MTERF3: variants seen among roughly 807,000 people sequenced by gnomAD.
MTERF3 encodes transcription termination factor 3, mitochondrial.
A neutral mutation model predicts 40.5 loss-of-function variants in MTERF3; 40 were observed. The observed-to-expected ratio is 0.99, with a 90% CI of 0.77 to 1.29. MTERF3 has a LOEUF of 1.29. Ranked by LOEUF, MTERF3 falls within the 50% of genes most tolerant of loss-of-function variation. The pLI is 0.00. For synonymous variants in MTERF3, 158 were observed against 166.6 expected (o/e 0.95, Z 0.40); for missense variants, 452 against 478.2 (o/e 0.95, Z 0.51).
At chr8:96,259,913 A>ATTATTTTTT in intron 1 of MTERF3, among the ~76,000 whole-genome samples, 1 of 150,474 alleles carries the variant, frequency 6.6e-6, no homozygotes, top group South Asian at 2.1e-4. Context: ...TATTATTATT[A>ATTATTTTTT]TTTTTTTTGA....
intron 4 of MTERF3, among the ~76,000 whole-genome samples, chr8:96,249,597 T>C (rs1439286539): frequency 6.6e-6 from 1 of 152,196 alleles, no homozygotes; most frequent in African/African-American, 2.4e-5. Context: ...TTTTTTTTCC[T>C]AATTCCGAGA....
intron 3 of MTERF3, among the ~76,000 whole-genome samples, chr8:96,253,356 CA>C (rs1387099496): frequency 1.3e-5 from 2 of 152,110 alleles, no homozygotes; most frequent in African/African-American, 2.4e-5. Flanking sequence ...GAGGCAGGTA[CA>C]GGACCCAAAG....
In MTERF3 at chr8:96,246,416, T is replaced by A; in HGVS notation, c.716A>T (p.Asp239Val). The stretch of plus-strand genomic sequence containing the variant: ...TGCTTTTCTGACCATCTGTGCAACA[T>A]CTGCTTTACTGAAATTTTTTGAATG... The part of the protein sequence containing the change: ...YLHSKNFSKA[D>V]VAQMVRKAPF... The change falls in exon 5 of 8, where the codon GAT becomes GTT. Residue 239 changes from aspartate (D) to valine (V), a missense_variant. Physicochemically the swap from Asp to Val is radical, Grantham distance 152 (BLOSUM62 -3). Transcript: ENST00000287025. 1 of 1,611,934 alleles carries A rather than the reference T, an allele frequency of 6.2e-7. No individual in the cohort carries two copies. The highest frequency in any genetic ancestry group is 8.5e-7 in the Non-Finnish European group (1 of 1,179,408).
chr8:96,252,331 A>G (rs1200367345), intron 3 of MTERF3, among the ~76,000 whole-genome samples: 1 of 152,258 alleles, frequency 6.6e-6, no homozygotes, highest in Non-Finnish European at 1.5e-5. Context: ...ATTTGTTAAA[A>G]TATATGGGAC....
chr8:96,251,895 T>G (rs1006658904), intron 3 of MTERF3, among the ~76,000 whole-genome samples: 2 of 152,198 alleles, frequency 1.3e-5, no homozygotes, highest in South Asian at 2.1e-4. Flanking sequence ...AATGATATGG[T>G]TAGGCTGTGT....
chr8:96,250,476 C>G (rs892094158), intron 4 of MTERF3, among the ~76,000 whole-genome samples: 2 of 148,032 alleles, frequency 1.4e-5, no homozygotes, highest in Non-Finnish European at 3.0e-5. Flanking sequence ...CTTTGGAGGC[C>G]AAGATGGGCA....
At chr8:96,240,902 T>C (rs1218356834) in intron 7 of MTERF3, among the ~76,000 whole-genome samples, 1 of 152,078 alleles carries the variant, frequency 6.6e-6, no homozygotes, top group African/African-American at 2.4e-5. Context: ...CAAAGTACTA[T>C]GAGAAGAGTG....
chr8:96,249,154 G>C (rs1810076099), intron 4 of MTERF3, among the ~76,000 whole-genome samples: 1 of 152,186 alleles, frequency 6.6e-6, no homozygotes, highest in Non-Finnish European at 1.5e-5. Context: ...GTGTGTAGTA[G>C]TCAGAACCCT....
At chr8:96,250,670 A>AGAAGAAGAAGAAGAAGAAGAG in intron 4 of MTERF3, among the ~76,000 whole-genome samples, 1 of 38,714 alleles carries the variant, frequency 2.6e-5, no homozygotes, top group Admixed American at 2.2e-4. Flanking sequence ...AAGAAGAAGA[A>AGAAGAAGAAGAAGAAGAAGAG]GAAGAAGAAG....
chr8:96,251,888 G>C (rs1180088895), intron 3 of MTERF3, among the ~76,000 whole-genome samples: 1 of 152,196 alleles, frequency 6.6e-6, no homozygotes, highest in African/African-American at 2.4e-5. Flanking sequence ...CAGACACAAT[G>C]ATATGGTTAG....
At chr8:96,245,414 T>C (rs765447018) in intron 6 of MTERF3, among the ~76,000 whole-genome samples, 3 of 152,196 alleles carry the variant, frequency 2.0e-5, no homozygotes, top group South Asian at 2.1e-4. Flanking sequence ...AGGAGAACAA[T>C]GTGCTGGCTG....
At position 96,239,427 on chromosome 8, in the gene MTERF3, A is replaced by G; in HGVS notation, c.*64T>C. ...TCAGTTGAGACCCGAGGCATTTAAAAATATATTCATTTATTCATATATATA... is the reference window on the plus strand; with the variant it reads ...TCAGTTGAGACCCGAGGCATTTAAAGATATATTCATTTATTCATATATATA... On this transcript the variant is annotated 3_prime_UTR_variant, in exon 8 of 8. Coordinates refer to ENST00000287025, the MANE Select transcript of MTERF3 (RefSeq NM_015942.5). 7.9e-7 allele frequency: 1 copy of G among 1,265,302 alleles called. No individual in the cohort carries two copies. The highest frequency in any genetic ancestry group is 1.1e-6 in the Non-Finnish European group (1 of 935,468). 78.4% of individuals were successfully genotyped at this position (1,265,302 alleles called of 1,614,324 possible).
At chr8:96,261,178 GA>G (rs1309815784) in intron 1 of MTERF3, among the ~76,000 whole-genome samples, 1 of 152,244 alleles carries the variant, frequency 6.6e-6, no homozygotes, top group African/African-American at 2.4e-5. Context: ...AATCAGGAGA[GA>G]AAGGGAGGTT....
In MTERF3 at chr8:96,256,979, T is replaced by C. The variant is rs764355477; in HGVS notation, c.470A>G (p.Gln157Arg). The change falls in exon 3 of 8, where the codon CAG (glutamine) becomes CGG (arginine). Residue 157 changes from glutamine (Q) to arginine (R), a missense_variant. Gln to Arg is a conservative substitution (Grantham distance 43, BLOSUM62 1). Transcript: ENST00000287025. ...RDYVDHSETL[Q>R]KLVLLGVDLS... Reference sequence around the variant, plus strand: ...AAACTTACCTAGAAGAACCAACTTCTGCAGAGTCTCAGAATGATCCACATA... The same window carrying C: ...AAACTTACCTAGAAGAACCAACTTCCGCAGAGTCTCAGAATGATCCACATA... The C allele has an allele frequency of 4.4e-6, 7 of 1,608,952 alleles. No individual in the cohort carries two copies. The East Asian group carries it at 1.1e-4, about 26-fold the overall frequency.
At chr8:96,250,671 G>GAAGA (rs1563549005) in intron 4 of MTERF3, among the ~76,000 whole-genome samples, 1 of 42,248 alleles carries the variant, frequency 2.4e-5, no homozygotes, top group African/African-American at 1.1e-4. Context: ...AGAAGAAGAA[G>GAAGA]AAGAAGAAGA....
At chr8:96,248,393 C>T (rs1810061179) in intron 4 of MTERF3, among the ~76,000 whole-genome samples, 2 of 152,046 alleles carry the variant, frequency 1.3e-5, no homozygotes, top group Admixed American at 1.3e-4. Context: ...GAATAGGCAG[C>T]ACCAAGAAAA....
At chr8:96,250,377 A>G (rs548000202) in intron 4 of MTERF3, among the ~76,000 whole-genome samples, 32 of 150,120 alleles carry the variant, frequency 2.1e-4, no homozygotes, top group East Asian at 9.8e-4. Flanking sequence ...CTAAAGAGAA[A>G]GAGTTAATTA....
In MTERF3 at chr8:96,251,094, G is replaced by T. The variant is rs371518333; in HGVS notation, c.489C>A (p.Gly163=). 1 of 1,568,148 alleles carries T rather than the reference G, an allele frequency of 6.4e-7. No homozygotes were observed. ...GTTTTTCTATCTTGGACAAATCCAC[G>T]CCTATAATAAATTATAAATACTGTT... ...SETLQKLVLL[G]VDLSKIEKHP... is the part of the protein sequence containing the mutation. Residue 163 remains glycine (G), a splice_region_variant and synonymous_variant, in exon 4 of 8, where the codon GGC becomes GGA. Coordinates refer to ENST00000287025, the MANE Select transcript of MTERF3 (RefSeq NM_015942.5).
intron 4 of MTERF3, among the ~76,000 whole-genome samples, chr8:96,250,695 G>GAAGAAGAAGAAGAAGAAGA (rs1810161874): frequency 1.6e-5 from 1 of 63,764 alleles, no homozygotes; most frequent in Non-Finnish European, 3.3e-5. Context: ...AGGAGGAGGA[G>GAAGAAGAAGAAGAAGAAGA]GGGGGGAGGG....
Sources: allele counts gnomAD v4.1 joint callset (sites outside exome capture counted in the v4.1 genomes callset), GRCh38; gene constraint gnomAD v4.1.1; transcripts MANE v1.5; gene names NCBI Gene and HGNC (gene_info 2026-07-23, HGNC 2026-07-21).